Variants in COL12A1 observed in about 807,000 individuals in gnomAD.
COL12A1 encodes collagen type XII alpha 1 chain, also known as collagen alpha-1(XII) chain.
In COL12A1, 114 loss-of-function variants were observed where a neutral mutation model predicts 349.7. That is an observed-to-expected ratio of 0.33 (90% CI 0.28 to 0.38). COL12A1 has a LOEUF of 0.38. Ranked by LOEUF, COL12A1 falls within the 10% of genes least tolerant of loss-of-function variation. The pLI is 1.00. For missense variants in COL12A1, 3,284 were observed against 3,756.9 expected (o/e 0.87, Z 3.29); for synonymous variants, 1,369 against 1,329.0 (o/e 1.03, Z -0.66).
At position 75,123,284 on chromosome 6, in the gene COL12A1, G is replaced by A. The variant is rs368101513; in HGVS notation, c.6946+46C>T. ...CACATGCAGCGTAAATAAGAAGTCT[G>A]TAACTCCCTATCAGCTGAACGTATT... On this transcript the variant is annotated intron_variant, in intron 43 of 65. Transcript: ENST00000322507. 10 of 1,489,804 alleles carry A rather than the reference G, an allele frequency of 6.7e-6. No homozygotes were observed. The African/African-American group carries it at 1.2e-4, about 19-fold the overall frequency. The allele number at this position is 1,489,804 out of a possible 1,614,324, so 92.3% of individuals were successfully genotyped here.
At chr6:75,096,705 G>T (rs1038764387) in intron 59 of COL12A1, among the ~76,000 whole-genome samples, 2 of 152,066 alleles carry the variant, frequency 1.3e-5, no homozygotes, top group Non-Finnish European at 2.9e-5. Flanking sequence ...GACCATCCCG[G>T]CTAAAAGGGT....
chr6:75,153,395 A>G lies in COL12A1; in HGVS notation c.3566-913T>C, dbSNP rs1767588927. Among the ~76,000 whole-genome samples the G allele has an allele frequency of 2.6e-5, 4 of 152,314 alleles. No individual in the cohort carries two copies. The South Asian group carries it at 8.3e-4, about 32-fold the overall frequency. On this transcript the variant is annotated intron_variant, in intron 17 of 65. Transcript: ENST00000322507. The stretch of plus-strand genomic sequence containing the variant: ...TTAATATCATCATAAGAGAAACAAT[A>G]GAACATTAATGCAAAACAGCAAGAT...
rs1386245594 is a variant in COL12A1 at position 75,105,218 on chromosome 6, A to G, written c.8253T>C (p.Pro2751=). 6.2e-7 allele frequency: 1 copy of G among 1,613,362 alleles called. No homozygotes were observed. The highest frequency in any genetic ancestry group is 8.5e-7 in the Non-Finnish European group (1 of 1,179,528). Residue 2751 remains proline (P), a synonymous_variant, in exon 54 of 66, where the codon CCT becomes CCC. Transcript: ENST00000322507. ...CTQDSVGPPG[P]PGPAGGPGAK... is the part of the protein sequence containing the mutation. The stretch of plus-strand genomic sequence containing the variant: ...TCAATTTCCTTACTGCAGGGCCTGG[A>G]GGTCCTGGAGGTCCAACGCTGTCCT...
chr6:75,113,038 G>A, intron 51 of COL12A1, 166 bp downstream of exon 51: 1 of 425,506 alleles, frequency 2.4e-6, no homozygotes, highest in Middle Eastern at 6.4e-4. Flanking sequence ...TTAGTATATT[G>A]TTTTATTTTA....
At chr6:75,113,787 A>C in intron 49 of COL12A1, 43 bp from the exon 50 acceptor site, 2 of 1,426,076 alleles carry the variant, frequency 1.4e-6, no homozygotes, top group South Asian at 2.9e-5. Flanking sequence ...AGGAAAGAAA[A>C]AAAGAAAGGA....
chr6:75,101,719 T>C, intron 57 of COL12A1, 66 bp from the exon 58 acceptor site: 1 of 1,561,688 alleles, frequency 6.4e-7, no homozygotes, highest in Non-Finnish European at 8.7e-7. Context: ...AGAATCTTTG[T>C]TATTTTCCAA....
At chr6:75,106,625 T>C (rs1582057529) in intron 52 of COL12A1, 129 bp from the exon 53 acceptor site, 9 of 725,986 alleles carry the variant, frequency 1.2e-5, no homozygotes, top group Middle Eastern at 5.1e-4. Context: ...GAGAGCAATG[T>C]GATCCTTACT....
chr6:75,132,051 T>C lies in COL12A1; in HGVS notation c.5826A>G (p.Val1942=), dbSNP rs946595569. 2.5e-6 allele frequency: 4 copies of C among 1,614,118 alleles called. No individual in the cohort carries two copies. Among genetic ancestry groups the C allele is most frequent in the Admixed American group, 1.7e-5 (1 of 60,024 alleles). ...CGAGGCTGTTAGGTGTAGGATTGTATACTTGGACATTTCTTGCCAGTCCTC... is the reference window on the plus strand; with the variant it reads ...CGAGGCTGTTAGGTGTAGGATTGTACACTTGGACATTTCTTGCCAGTCCTC... The part of the protein sequence containing the change: ...LMRGLARNVQ[V]YNPTPNSLDV... Residue 1942 remains valine, a synonymous_variant, in exon 35 of 66, where the codon GTA becomes GTG. Coordinates refer to ENST00000322507, the MANE Select transcript of COL12A1 (RefSeq NM_004370.6).
chr6:75,196,079 C>T (rs1333760445), intron 2 of COL12A1, among the ~76,000 whole-genome samples: 5 of 152,144 alleles, frequency 3.3e-5, no homozygotes, highest in East Asian at 3.8e-4. Context: ...TACACAAAGA[C>T]GTTTCCTAAA....
At chr6:75,172,268 GT>G (rs1338772372) in intron 13 of COL12A1, among the ~76,000 whole-genome samples, 2 of 152,094 alleles carry the variant, frequency 1.3e-5, no homozygotes, top group African/African-American at 4.8e-5. Flanking sequence ...TGTGCTTCCT[GT>G]AAAATTAAAA....
chr6:75,089,047 G>A, intron 64 of COL12A1, 59 bp downstream of exon 64: 1 of 1,203,422 alleles, frequency 8.3e-7, no homozygotes, highest in Non-Finnish European at 1.2e-6. Context: ...ATCTCTTCGG[G>A]ATGGTGTGCC....
At chr6:75,143,990 A>T (rs190403415) in intron 25 of COL12A1, among the ~76,000 whole-genome samples, 113 of 152,280 alleles carry the variant, frequency 7.4e-4, no homozygotes, top group African/African-American at 2.5e-3. Context: ...GTAATATGAG[A>T]TGTATTTCAC....
chr6:75,127,276 G>A (rs1766066488), intron 38 of COL12A1, among the ~76,000 whole-genome samples: 1 of 152,108 alleles, frequency 6.6e-6, no homozygotes, highest in Non-Finnish European at 1.5e-5. Flanking sequence ...CTTGAGTCAT[G>A]TGAGTCTCCA....
chr6:75,198,566 T>C (rs7762653), intron 2 of COL12A1, among the ~76,000 whole-genome samples: 1 of 152,136 alleles, frequency 6.6e-6, no homozygotes, highest in Admixed American at 6.6e-5. Context: ...TAGATGAAAT[T>C]TGGTATATTA....
chr6:75,124,500 T>C lies in COL12A1; in HGVS notation c.6608-129A>G, dbSNP rs1292755367. ...TTCAAAATTGTATTATGTTTCCTTA[T>C]AAGAAACATACATGAATCATATTTA... On this transcript the variant is annotated intron_variant, in intron 40 of 65. Transcript: ENST00000322507. The C allele has an allele frequency of 1.3e-5, 8 of 605,610 alleles. No homozygotes were observed. In the East Asian group the frequency reaches 2.1e-4, roughly 16 times the overall value. 37.5% of individuals were successfully genotyped at this position (605,610 alleles called of 1,614,324 possible). A position where few individuals can be genotyped will look rare whatever the true frequency, so the allele number is the denominator to read the frequency against.
intron 44 of COL12A1, among the ~76,000 whole-genome samples, chr6:75,119,808 C>A (rs1582080397): frequency 6.6e-6 from 1 of 152,290 alleles, no homozygotes; most frequent in East Asian, 1.9e-4. Context: ...AACATACCAT[C>A]TCGAATCCAA....
rs1437899600 is a variant in COL12A1 at position 75,174,354 on chromosome 6, A to G, written c.2710+684T>C. On this transcript the variant is annotated intron_variant, in intron 13 of 65. Coordinates refer to ENST00000322507, the MANE Select transcript of COL12A1 (RefSeq NM_004370.6). ...GGCGGATCACGAGGTCAGGAGATCG[A>G]GATCATCCTGGCTAACATGGTGAAA... is the stretch of plus-strand genomic sequence containing the variant. 2.6e-5 allele frequency among the ~76,000 whole-genome samples: 4 copies of G among 152,116 alleles called. No individual in the cohort carries two copies. The East Asian group carries it at 7.7e-4, about 29-fold the overall frequency.
chr6:75,139,782 C>A (rs1408507084), intron 27 of COL12A1, among the ~76,000 whole-genome samples: 1 of 152,128 alleles, frequency 6.6e-6, no homozygotes, highest in Non-Finnish European at 1.5e-5. Flanking sequence ...CCTGGAGACC[C>A]AAATGACTGC....
At position 75,114,340 on chromosome 6, in the gene COL12A1, G is replaced by T. The variant is rs148339006; in HGVS notation, c.7698-596C>A. On this transcript the variant is annotated intron_variant, in intron 49 of 65. Coordinates refer to ENST00000322507, the MANE Select transcript of COL12A1 (RefSeq NM_004370.6). The stretch of plus-strand genomic sequence containing the variant: ...AAACAAAATCCATTTTAAATATGAA[G>T]GCCATATACATGTGCAAACATTTAG... Among the ~76,000 whole-genome samples the T allele has an allele frequency of 3.2e-3, 482 of 151,798 alleles. 1 individual carries two copies. The highest frequency in any genetic ancestry group is 4.7e-3 in the Non-Finnish European group (317 of 67,810).
Sources: allele counts gnomAD v4.1 joint callset (sites outside exome capture counted in the v4.1 genomes callset), GRCh38; gene constraint gnomAD v4.1.1; transcripts MANE v1.5; gene names NCBI Gene and HGNC (gene_info 2026-07-23, HGNC 2026-07-21).